The following ALK variants were observed in gnomAD, a reference collection of about 807,000 sequenced individuals.
ALK encodes the protein ALK tyrosine kinase receptor.
A neutral mutation model predicts 163.1 loss-of-function variants in ALK; 74 were observed. That is an observed-to-expected ratio of 0.45 (90% CI 0.38 to 0.55). ALK has a LOEUF of 0.55. Among genes scored for constraint, ALK ranks in the 20% least tolerant of loss-of-function variants. ALK has a pLI of 0.00. For synonymous variants in ALK, 960 were observed against 843.2 expected, an observed-to-expected ratio of 1.14 and a Z score of -2.40; for missense variants, 2,063 against 2,105.3, an observed-to-expected ratio of 0.98 and a Z score of 0.39.
chr2:29,385,329 C>T (rs867109349), intron 4 of ALK, among the ~76,000 whole-genome samples: 2 of 151,296 alleles, frequency 1.3e-5, no homozygotes, highest in Admixed American at 1.3e-4. Flanking sequence ...ACCTAGAATA[C>T]CATTGTCCAG....
At chr2:29,415,807 G>A (rs1669861600) in intron 4 of ALK, among the ~76,000 whole-genome samples, 1 of 152,230 alleles carries the variant, frequency 6.6e-6, no homozygotes, top group African/African-American at 2.4e-5. Context: ...AAAAGGTGGA[G>A]GAAGATCACA....
chr2:29,865,361 A>G (rs555633670), intron 1 of ALK, among the ~76,000 whole-genome samples: 1 of 152,340 alleles, frequency 6.6e-6, no homozygotes, highest in East Asian at 1.9e-4. Context: ...CTGGGTCCCC[A>G]GAGCACACTG....
At chr2:29,417,536 C>T (rs1669910430) in intron 4 of ALK, among the ~76,000 whole-genome samples, 1 of 152,152 alleles carries the variant, frequency 6.6e-6, no homozygotes, top group Admixed American at 6.5e-5. Context: ...CTGTTCTAAT[C>T]ACTTAGTTCC....
At chr2:29,347,257 G>A (rs1418246074) in intron 5 of ALK, among the ~76,000 whole-genome samples, 1 of 152,176 alleles carries the variant, frequency 6.6e-6, no homozygotes, top group Non-Finnish European at 1.5e-5. Flanking sequence ...GGGGTCTCTG[G>A]CCCTGCCTGA....
At chr2:29,549,994 A>ACC (rs140669292) in intron 3 of ALK, among the ~76,000 whole-genome samples, 5,683 of 152,260 alleles carry the variant, frequency 0.037, 159 homozygotes, top group African/African-American at 0.079. Context: ...TGCTTCAATT[A>ACC]CTATTACAAT....
At chr2:29,588,167 C>T (rs150744507) in intron 3 of ALK, among the ~76,000 whole-genome samples, 2 of 152,174 alleles carry the variant, frequency 1.3e-5, no homozygotes, top group African/African-American at 4.8e-5. Context: ...AACGTCTCCA[C>T]TGAGACCATA....
chr2:29,432,939 C>T (rs1349718582), intron 4 of ALK, among the ~76,000 whole-genome samples: 1 of 152,160 alleles, frequency 6.6e-6, no homozygotes, highest in African/African-American at 2.4e-5. Context: ...AGCTATTGAT[C>T]ATTTCCCTGC....
intron 3 of ALK, among the ~76,000 whole-genome samples, chr2:29,636,792 C>T (rs895982981): frequency 2.0e-5 from 3 of 152,074 alleles, no homozygotes; most frequent in African/African-American, 4.8e-5. Flanking sequence ...GATTTAAAGG[C>T]ACATTGTATC....
chr2:29,724,679 A>G (rs1386239446), intron 1 of ALK, among the ~76,000 whole-genome samples: 1 of 152,170 alleles, frequency 6.6e-6, no homozygotes, highest in Non-Finnish European at 1.5e-5. Flanking sequence ...CTGGAAAATG[A>G]GCGGTTTGAA....
In ALK at chr2:29,200,798, CAT is replaced by C. The variant is rs35516034; in HGVS notation, c.3939-3124_3939-3123del. Among the ~76,000 whole-genome samples the C allele has an allele frequency of 1.0e-2, 802 of 80,246 alleles. 9 individuals are homozygous for C. The highest frequency in any genetic ancestry group is 0.021 in the African/African-American group (529 of 24,920). The allele number at this position is 80,246 out of a possible 152,430, so 52.6% of individuals were successfully genotyped here. The stretch of plus-strand genomic sequence containing the variant: ...GTATATATATGTATATACATGTATA[CAT>C]ATATATGTGTGTATATACATATATA... On this transcript the variant is annotated intron_variant, in intron 26 of 28. Coordinates refer to ENST00000389048, the MANE Select transcript of ALK (RefSeq NM_004304.5).
chr2:29,599,056 C>A (rs566258768), intron 3 of ALK, among the ~76,000 whole-genome samples: 2 of 152,004 alleles, frequency 1.3e-5, no homozygotes, highest in South Asian at 4.2e-4. Context: ...GGTATGGAAC[C>A]CTGTAAAATG....
At chr2:29,907,247 C>A (rs1486928091) in intron 1 of ALK, 1 of 152,058 alleles carries the variant, frequency 6.6e-6, no homozygotes, top group Non-Finnish European at 1.5e-5. Context: ...TACCTGAAAT[C>A]TTTTCTCTTT....
intron 3 of ALK, among the ~76,000 whole-genome samples, chr2:29,650,565 C>T (rs1354077716): frequency 6.6e-6 from 1 of 152,060 alleles, no homozygotes; most frequent in South Asian, 2.1e-4. Flanking sequence ...TTTAACACTG[C>T]CTTTAGTTTC....
chr2:29,259,790 A>C (rs901334460), intron 11 of ALK, among the ~76,000 whole-genome samples: 29 of 152,036 alleles, frequency 1.9e-4, no homozygotes, highest in African/African-American at 6.8e-4. Flanking sequence ...CAATAAGGAT[A>C]TTTTCCTGGA....
chr2:29,787,105 G>GT (rs1045992073), intron 1 of ALK, among the ~76,000 whole-genome samples: 5 of 152,140 alleles, frequency 3.3e-5, no homozygotes, highest in African/African-American at 1.2e-4. Flanking sequence ...TTCCCTGGGA[G>GT]TTTTTTGAAA....
At chr2:29,556,039 T>C (rs888757131) in intron 3 of ALK, among the ~76,000 whole-genome samples, 14 of 152,214 alleles carry the variant, frequency 9.2e-5, no homozygotes, top group African/African-American at 3.4e-4. Context: ...CCTGAGCATC[T>C]GTATGCCCCC....
Position 29,193,169 on chromosome 2 carries a change from C to T in ALK, c.*55G>A, listed in dbSNP as rs1668914339. 6.3e-7 allele frequency: 1 copy of T among 1,574,862 alleles called. No homozygotes were observed. ...GGTTTGTGAAGGAGCCATTGCCTCT[C>T]TCTCCTCCACGGTCTTAGGGATCCC... On this transcript the variant is annotated 3_prime_UTR_variant, in exon 29 of 29. Transcript: ENST00000389048.
In ALK at chr2:29,241,833, CTG is replaced by C. The variant is rs544313728; in HGVS notation, c.2205-2005_2205-2004del. Among the ~76,000 whole-genome samples, 30 of 152,250 alleles carry C rather than the reference CTG, an allele frequency of 2.0e-4. No individual in the cohort carries two copies. In the South Asian group the frequency reaches 6.0e-3, roughly 31 times the overall value. On this transcript the variant is annotated intron_variant, in intron 12 of 28. Coordinates refer to ENST00000389048, the MANE Select transcript of ALK (RefSeq NM_004304.5). ...TAATCTCATTTGACAAATGAGGAAA[CTG>C]AGGCTCAGAGGGACTAAGTAACTCA... is the stretch of plus-strand genomic sequence containing the variant.
chr2:29,849,122 T>C (rs934943124), intron 1 of ALK, among the ~76,000 whole-genome samples: 11 of 152,150 alleles, frequency 7.2e-5, no homozygotes, highest in Non-Finnish European at 1.3e-4. Flanking sequence ...CCCACCTCTC[T>C]AAGCATCACC....
Sources: gnomAD v4.1 joint callset for allele counts (sites outside exome capture counted in the v4.1 genomes callset) on GRCh38, gnomAD v4.1.1 for gene constraint, MANE v1.5 for transcripts, NCBI Gene and HGNC (gene_info 2026-07-23, HGNC 2026-07-21) for gene names.